Variants in MED13L observed in about 807,000 individuals in gnomAD.
MED13L encodes the protein mediator complex subunit 13L.
In MED13L, 7 loss-of-function variants were observed where a neutral mutation model predicts 220.9. The ratio of observed to expected loss-of-function variants is 0.03; its 90% confidence interval spans 0.02 to 0.06. The LOEUF (loss-of-function observed/expected upper bound fraction) is 0.06, where lower values mean the gene tolerates loss of function less well. Ranked by LOEUF, MED13L falls within the 10% of genes least tolerant of loss-of-function variation. The pLI is 1.00. For missense variants in MED13L, 1,965 were observed against 2,760.5 expected, an observed-to-expected ratio of 0.71 and a Z score of 6.46; for synonymous variants, 1,011 against 1,015.2, an observed-to-expected ratio of 1.00 and a Z score of 0.08.
At position 116,022,203 on chromosome 12, in the gene MED13L, T is replaced by G. The variant is rs143495362; in HGVS notation, c.625+253A>C. 1.1e-4 allele frequency among the ~76,000 whole-genome samples: 17 copies of G among 152,362 alleles called. No homozygotes were observed. The East Asian group carries it at 2.9e-3, about 26-fold the overall frequency. On this transcript the variant is annotated intron_variant, in intron 5 of 30. Transcript: ENST00000281928. ...TTTTCTTTTGTTCTGAAGGAAATTCTACATTTTATTCTTACAAAAGAATAC... is the reference window on the plus strand; with the variant it reads ...TTTTCTTTTGTTCTGAAGGAAATTCGACATTTTATTCTTACAAAAGAATAC...
intron 2 of MED13L, among the ~76,000 whole-genome samples, chr12:116,115,667 C>T (rs559758518): frequency 1.1e-4 from 16 of 143,280 alleles, no homozygotes; most frequent in Non-Finnish European, 2.1e-4. Flanking sequence ...ACTTAACTAC[C>T]AAAAAAAAAC....
intron 2 of MED13L, among the ~76,000 whole-genome samples, chr12:116,214,733 T>C (rs1320014829): frequency 6.6e-6 from 1 of 152,166 alleles, no homozygotes; most frequent in African/African-American, 2.4e-5. Flanking sequence ...AAAAAACCAG[T>C]ACAGTTCACA....
intron 2 of MED13L, among the ~76,000 whole-genome samples, chr12:116,183,845 A>T (rs1880705296): frequency 1.4e-5 from 1 of 72,644 alleles, no homozygotes; most frequent in African/African-American, 5.9e-5. Flanking sequence ...TGTGTGTGTA[A>T]AATGAGATTT....
intron 22 of MED13L, 128 bp from the exon 23 acceptor site, chr12:115,981,066 G>T: frequency 2.8e-6 from 2 of 725,298 alleles, no homozygotes; most frequent in Non-Finnish European, 4.7e-6. Context: ...GGTAACCTCA[G>T]CCTTAAAATA....
chr12:116,036,770 T>G (rs1224775950), intron 4 of MED13L, among the ~76,000 whole-genome samples: 1 of 152,230 alleles, frequency 6.6e-6, no homozygotes, highest in African/African-American at 2.4e-5. Context: ...TCCTTAAAAA[T>G]GTAGTTTACT....
chr12:116,139,532 G>A (rs375039498), intron 2 of MED13L, among the ~76,000 whole-genome samples: 1 of 151,912 alleles, frequency 6.6e-6, no homozygotes, highest in African/African-American at 2.4e-5. Context: ...CTTCATTTAA[G>A]AAAAAGGATA....
At chr12:116,204,906 G>T (rs1242637006) in intron 2 of MED13L, among the ~76,000 whole-genome samples, 3 of 152,310 alleles carry the variant, frequency 2.0e-5, no homozygotes, top group South Asian at 2.1e-4. Context: ...TATAAAAGAA[G>T]AATAATATCG....
chr12:116,230,227 C>A (rs1869421673), intron 2 of MED13L, among the ~76,000 whole-genome samples: 1 of 151,670 alleles, frequency 6.6e-6, no homozygotes, highest in Non-Finnish European at 1.5e-5. Flanking sequence ...AACATGCAGC[C>A]CTACTCAAAA....
intron 2 of MED13L, among the ~76,000 whole-genome samples, chr12:116,121,282 C>T (rs1875072860): frequency 6.6e-6 from 1 of 151,968 alleles, no homozygotes. Context: ...TTTCAAATCC[C>T]CATCAATTGC....
At chr12:116,156,945 G>T (rs1180943110) in intron 2 of MED13L, among the ~76,000 whole-genome samples, 1 of 152,114 alleles carries the variant, frequency 6.6e-6, no homozygotes, top group East Asian at 1.9e-4. Flanking sequence ...CCAGATTCTT[G>T]ACACCATGAT....
intron 1 of MED13L, among the ~76,000 whole-genome samples, chr12:116,252,931 C>A (rs927563445): frequency 3.9e-5 from 6 of 151,972 alleles, no homozygotes; most frequent in African/African-American, 1.5e-4. Flanking sequence ...ACCAAATTAA[C>A]AAAGAAACAG....
intron 4 of MED13L, among the ~76,000 whole-genome samples, chr12:116,043,568 T>C (rs886806247): frequency 6.6e-6 from 1 of 152,180 alleles, no homozygotes; most frequent in African/African-American, 2.4e-5. Flanking sequence ...TAAAACATGT[T>C]AGGATAATCA....
intron 2 of MED13L, among the ~76,000 whole-genome samples, chr12:116,214,001 C>T (rs1160131743): frequency 1.3e-5 from 2 of 152,140 alleles, no homozygotes; most frequent in African/African-American, 2.4e-5. Context: ...CACACGCACC[C>T]CTTGAAAAAC....
chr12:116,076,636 C>A (rs1593015857), intron 4 of MED13L, among the ~76,000 whole-genome samples: 1 of 152,280 alleles, frequency 6.6e-6, no homozygotes, highest in Non-Finnish European at 1.5e-5. Context: ...GGGTCAAGAG[C>A]AATTGGGAGA....
chr12:116,008,100 G>A (rs535300451), intron 10 of MED13L: 24 of 399,818 alleles, frequency 6.0e-5, no homozygotes, highest in East Asian at 3.8e-4. Context: ...ACAGCAGTAT[G>A]GAAAGTCTTA....
In MED13L at chr12:116,047,219, T is replaced by C. The variant is rs1241481685; in HGVS notation, c.480-24618A>G. On this transcript the variant is annotated intron_variant, in intron 4 of 30. Transcript: ENST00000281928. Reference sequence around the variant, plus strand: ...AAAATAAAAAATTGGCCAGGCCTGGTAGCGCATGCTAGTAACCCTAGCTAC... The same window carrying C: ...AAAATAAAAAATTGGCCAGGCCTGGCAGCGCATGCTAGTAACCCTAGCTAC... 3.3e-5 allele frequency among the ~76,000 whole-genome samples: 5 copies of C among 151,862 alleles called. No individual in the cohort carries two copies. The East Asian group carries it at 9.7e-4, about 30-fold the overall frequency.
At chr12:116,268,781 ATATTT>A (rs1362450077) in intron 1 of MED13L, among the ~76,000 whole-genome samples, 1 of 152,236 alleles carries the variant, frequency 6.6e-6, no homozygotes, top group Non-Finnish European at 1.5e-5. Context: ...TTACAATTAC[ATATTT>A]TATTTGAAAC....
At chr12:115,978,055 C>T (rs867157851) in intron 23 of MED13L, among the ~76,000 whole-genome samples, 2 of 151,694 alleles carry the variant, frequency 1.3e-5, no homozygotes, top group Non-Finnish European at 1.5e-5. Flanking sequence ...TCAAGACCAG[C>T]GTGAGCAATA....
chr12:116,267,765 C>G (rs1872942788), intron 1 of MED13L, among the ~76,000 whole-genome samples: 1 of 152,128 alleles, frequency 6.6e-6, no homozygotes, highest in Non-Finnish European at 1.5e-5. Context: ...GGATCAAGCC[C>G]CCAAACAAAA....
Sources: gnomAD v4.1 joint callset for allele counts (sites outside exome capture counted in the v4.1 genomes callset) on GRCh38, gnomAD v4.1.1 for gene constraint, MANE v1.5 for transcripts, NCBI Gene and HGNC (gene_info 2026-07-23, HGNC 2026-07-21) for gene names.